Variants in ZNF730 observed in about 807,000 individuals in gnomAD.
The protein encoded by ZNF730 is zinc finger protein 730.
A neutral mutation model predicts 12.6 loss-of-function variants in ZNF730; 12 were observed. That is an observed-to-expected ratio of 0.95 (90% CI 0.61 to 1.54). ZNF730 has a LOEUF of 1.54. Ranked by LOEUF, ZNF730 falls within the 40% of genes most tolerant of loss-of-function variation. The pLI is 0.00. For missense variants in ZNF730, 643 were observed against 583.5 expected (o/e 1.10, Z -1.05); for synonymous variants, 194 against 195.8 (o/e 0.99, Z 0.08).
chr19:23,112,205 A>T (rs1285285773), upstream of ZNF730, among the ~76,000 whole-genome samples: 1 of 152,144 alleles, frequency 6.6e-6, no homozygotes, highest in African/African-American at 2.4e-5. Flanking sequence ...AACCAGAAAG[A>T]TTTCTCCTAA....
At chr19:23,084,261 A>C (rs977338236) in intron 1 of ZNF730, among the ~76,000 whole-genome samples, 1 of 152,228 alleles carries the variant, frequency 6.6e-6, no homozygotes, top group Non-Finnish European at 1.5e-5. Context: ...CTTATTGGGC[A>C]CATTGATCTA....
At position 23,095,464 on chromosome 19, in the gene ZNF730, C is replaced by T. The variant is rs1970233252; in HGVS notation, c.-94+20077C>T. 1.0e-5 allele frequency: 4 copies of T among 398,550 alleles called. No homozygotes were observed. The South Asian group carries it at 5.1e-4, about 51-fold the overall frequency. 24.7% of individuals were successfully genotyped at this position (398,550 alleles called of 1,614,324 possible). On this transcript the variant is annotated intron_variant, in intron 1 of 2. Transcript: ENST00000593635. ...AGGTAATGCAACTCTATTCTCCTAC[C>T]TGGCCCCTTCTCACAGAAGAGATTG...
intron 1 of ZNF730, among the ~76,000 whole-genome samples, chr19:23,101,559 T>C (rs547570873): frequency 6.6e-6 from 1 of 152,342 alleles, no homozygotes; most frequent in East Asian, 1.9e-4. Context: ...ACCTTAGTGA[T>C]TTGACTTTGC....
At chr19:23,122,133 T>A (rs1489111512) in intron 1 of ZNF730, among the ~76,000 whole-genome samples, 2 of 2,962 alleles carry the variant, frequency 6.8e-4, no homozygotes, top group Non-Finnish European at 2.8e-3. Flanking sequence ...TGTTTAAAGC[T>A]TTTTTTTTTT....
intron 1 of ZNF730, among the ~76,000 whole-genome samples, chr19:23,087,402 C>T (rs556910237): frequency 1.5e-4 from 22 of 151,698 alleles, no homozygotes; most frequent in African/African-American, 5.1e-4. Context: ...AGCAAGATTC[C>T]GTCTCAAAGA....
At chr19:23,089,789 A>G (rs936531750) in intron 1 of ZNF730, among the ~76,000 whole-genome samples, 1 of 152,226 alleles carries the variant, frequency 6.6e-6, no homozygotes, top group Non-Finnish European at 1.5e-5. Context: ...CTGAAAAAAA[A>G]TAACCGAAAA....
chr19:23,129,470 T>C (rs1399539367), intron 1 of ZNF730, among the ~76,000 whole-genome samples: 1 of 151,996 alleles, frequency 6.6e-6, no homozygotes, highest in African/African-American at 2.4e-5. Context: ...AGCTTTAAGA[T>C]TTGACTGCCC....
intron 1 of ZNF730, among the ~76,000 whole-genome samples, chr19:23,102,830 GC>G (rs1364872034): frequency 1.3e-5 from 2 of 152,084 alleles, no homozygotes; most frequent in Admixed American, 1.3e-4. Context: ...CCTCAAACCA[GC>G]CAATAGGAGA....
chr19:23,128,297 A>G (rs538255160), intron 1 of ZNF730: 5 of 665,906 alleles, frequency 7.5e-6, no homozygotes, highest in East Asian at 5.7e-5. Context: ...TACATGCACT[A>G]CTTAATGAAG....
intron 1 of ZNF730, among the ~76,000 whole-genome samples, chr19:23,103,538 A>G (rs996242562): frequency 6.6e-6 from 1 of 152,206 alleles, no homozygotes; most frequent in Non-Finnish European, 1.5e-5. Context: ...CTAACACTTA[A>G]CATGCTTCCC....
At chr19:23,131,146 A>G (rs1051842131) in intron 1 of ZNF730, among the ~76,000 whole-genome samples, 1 of 152,240 alleles carries the variant, frequency 6.6e-6, no homozygotes, top group African/African-American at 2.4e-5. Flanking sequence ...AAGCCACAAG[A>G]AGTAAATATA....
chr19:23,123,000 A>G (rs1203833367), intron 1 of ZNF730, among the ~76,000 whole-genome samples: 2 of 152,174 alleles, frequency 1.3e-5, no homozygotes, highest in Non-Finnish European at 1.5e-5. Flanking sequence ...AATTTATCCA[A>G]TAGGATAATT....
At chr19:23,075,639 C>T (rs1363266405) in intron 1 of ZNF730, among the ~76,000 whole-genome samples, 1 of 152,178 alleles carries the variant, frequency 6.6e-6, no homozygotes, top group Non-Finnish European at 1.5e-5. Flanking sequence ...GAGTATTTCC[C>T]AGAGTGCTTA....
chr19:23,095,443 A>C, intron 1 of ZNF730: 1 of 398,582 alleles, frequency 2.5e-6, no homozygotes, highest in East Asian at 3.6e-5. Context: ...TCACACAGGT[A>C]ATGCAACTCT....
intron 1 of ZNF730, among the ~76,000 whole-genome samples, chr19:23,117,544 C>T (rs1409929324): frequency 6.6e-6 from 1 of 152,206 alleles, no homozygotes; most frequent in Non-Finnish European, 1.5e-5. Flanking sequence ...GTGGCGTTCC[C>T]AATTCCTCTT....
chr19:23,105,786 G>A (rs138785365), intron 1 of ZNF730, among the ~76,000 whole-genome samples: 1 of 152,122 alleles, frequency 6.6e-6, no homozygotes, highest in African/African-American at 2.4e-5. Flanking sequence ...AAAAAGCTAG[G>A]TATAAACCAG....
At chr19:23,121,355 G>T (rs751884472) in intron 1 of ZNF730, among the ~76,000 whole-genome samples, 22 of 146,660 alleles carry the variant, frequency 1.5e-4, no homozygotes, top group Non-Finnish European at 2.9e-4. Context: ...GTGTGTGTGT[G>T]TATGACAGAG....
chr19:23,135,217 T>A (rs1970810190), intron 2 of ZNF730, among the ~76,000 whole-genome samples: 1 of 25,628 alleles, frequency 3.9e-5, no homozygotes, highest in Non-Finnish European at 6.8e-5. Flanking sequence ...CCAAGAATGA[T>A]CAATAAAAAA....
chr19:23,082,728 T>C (rs1300361159), intron 1 of ZNF730, among the ~76,000 whole-genome samples: 2 of 150,954 alleles, frequency 1.3e-5, no homozygotes, highest in Non-Finnish European at 3.0e-5. Flanking sequence ...TGAGACAAAA[T>C]CTCGCTCTTG....
Sources: allele counts gnomAD v4.1 joint callset (sites outside exome capture counted in the v4.1 genomes callset), GRCh38; gene constraint gnomAD v4.1.1; transcripts MANE v1.5; gene names NCBI Gene and HGNC (gene_info 2026-07-23, HGNC 2026-07-21).